CEP68: variants seen among roughly 807,000 people sequenced by gnomAD.
CEP68 encodes the protein centrosomal protein of 68 kDa.
Under a neutral mutation model 55.3 loss-of-function variants are expected in CEP68, and 26 were observed. The observed-to-expected ratio is 0.47, with a 90% CI of 0.34 to 0.65. CEP68 has a LOEUF of 0.65. Among genes scored for constraint, CEP68 ranks in the 30% least tolerant of loss-of-function variants. The pLI is 0.01. For synonymous variants in CEP68, 402 were observed against 383.2 expected (o/e 1.05, Z -0.57); for missense variants, 957 against 946.7 (o/e 1.01, Z -0.14).
At chr2:65,070,224 C>T (rs2723084) in intron 2 of CEP68, among the ~76,000 whole-genome samples, 15,755 of 152,174 alleles carry the variant, frequency 0.1, 916 homozygotes, top group Middle Eastern at 0.14. Flanking sequence ...CCTCTTCAGA[C>T]CCAAGGGACA....
intron 1 of CEP68, among the ~76,000 whole-genome samples, chr2:65,067,728 C>T (rs771054646): frequency 3.3e-5 from 5 of 152,190 alleles, no homozygotes; most frequent in Non-Finnish European, 5.9e-5. Context: ...GAGAGACTTA[C>T]ATCTGCTGTG....
At chr2:65,079,197 C>T (rs1235139158) in intron 5 of CEP68, among the ~76,000 whole-genome samples, 2 of 152,212 alleles carry the variant, frequency 1.3e-5, no homozygotes, top group African/African-American at 4.8e-5. Flanking sequence ...TGAGGAGGCA[C>T]TTTCCTGACC....
intron 1 of CEP68, 33 bp from the exon 2 acceptor site, chr2:65,069,366 T>C: frequency 9.1e-7 from 1 of 1,103,124 alleles, no homozygotes; most frequent in Non-Finnish European, 1.3e-6. Context: ...TGTAGAAGAT[T>C]TATATTTTTC....
intron 1 of CEP68, among the ~76,000 whole-genome samples, chr2:65,065,132 G>A (rs1035623507): frequency 1.3e-5 from 2 of 152,230 alleles, no homozygotes; most frequent in African/African-American, 2.4e-5. Flanking sequence ...CCTGGCTCCC[G>A]TGGGAACTGG....
At chr2:65,077,748 G>A (rs989552384) in intron 4 of CEP68, 120 bp from the exon 5 acceptor site, 24 of 630,350 alleles carry the variant, frequency 3.8e-5, no homozygotes, top group Non-Finnish European at 6.5e-5. Flanking sequence ...CAGACCTGAT[G>A]GGGTGAATCT....
intron 1 of CEP68, among the ~76,000 whole-genome samples, chr2:65,064,921 A>G (rs565036257): frequency 7.9e-5 from 12 of 152,242 alleles, no homozygotes; most frequent in African/African-American, 2.9e-4. Flanking sequence ...GTGGCTCCGT[A>G]AGATCTCTGT....
rs141018988 is a variant in CEP68, at chr2:65,069,549, G to A, written c.105G>A (p.Gly35=). Reference sequence around the variant, plus strand: ...GGGAGCGGGAGCTGGACATCCCAGGGCCCATGAGTGGGGAGCAGCCCCCAC... The same window carrying A: ...GGGAGCGGGAGCTGGACATCCCAGGACCCATGAGTGGGGAGCAGCCCCCAC... ...SCRERELDIP[G]PMSGEQPPRL... is the part of the protein sequence containing the mutation. Residue 35 remains glycine (G), a synonymous_variant, in exon 2 of 7, where the codon GGG becomes GGA. Transcript: ENST00000377990. 4 of 1,609,986 alleles carry A rather than the reference G, an allele frequency of 2.5e-6. No individual in the cohort carries two copies. The African/African-American group carries it at 5.3e-5, about 22-fold the overall frequency.
chr2:65,066,810 T>G (rs1676210026), intron 1 of CEP68, among the ~76,000 whole-genome samples: 1 of 147,012 alleles, frequency 6.8e-6, no homozygotes, highest in Admixed American at 6.8e-5. Flanking sequence ...GGCACATGCC[T>G]GTAATCCCAG....
intron 3 of CEP68, 80 bp downstream of exon 3, chr2:65,073,060 A>G (rs763229234): frequency 6.7e-7 from 1 of 1,492,104 alleles, no homozygotes; most frequent in Non-Finnish European, 9.3e-7. Flanking sequence ...ATAATAAAAC[A>G]TGTTCATGTT....
chr2:65,061,794 C>A (rs576039709), intron 1 of CEP68, among the ~76,000 whole-genome samples: 1 of 152,216 alleles, frequency 6.6e-6, no homozygotes, highest in Non-Finnish European at 1.5e-5. Context: ...TGTGACTGGC[C>A]CCTTTGTTGG....
intron 1 of CEP68, among the ~76,000 whole-genome samples, chr2:65,066,726 C>CAAAAA (rs869096839): frequency 3.7e-4 from 16 of 43,194 alleles, no homozygotes; most frequent in Admixed American, 1.6e-3. Flanking sequence ...GACTCTGTCT[C>CAAAAA]AAAAAAAAAA....
intron 1 of CEP68, among the ~76,000 whole-genome samples, chr2:65,060,707 T>C (rs1675870078): frequency 1.3e-5 from 2 of 152,144 alleles, no homozygotes; most frequent in Non-Finnish European, 2.9e-5. Context: ...CTTTGCTCTT[T>C]AGTGAGAAAA....
Position 65,072,047 on chromosome 2 carries a change from G to A in CEP68, c.951G>A (p.Lys317=). 6.2e-7 allele frequency: 1 copy of A among 1,613,706 alleles called. No homozygotes were observed. The highest frequency in any genetic ancestry group is 8.5e-7 in the Non-Finnish European group (1 of 1,179,966). The part of the protein sequence containing the change: ...YPLRPGPQLP[K]HLDSRVPADP... ...TGAGGCCCGGGCCTCAGCTCCCAAA[G>A]CACCTTGATAGCCGTGTGCCAGCTG... The change falls in exon 3 of 7, where the codon AAG becomes AAA. Residue 317 remains lysine, a synonymous_variant. Transcript: ENST00000377990.
chr2:65,059,008 G>A (rs1190745096), intron 1 of CEP68, among the ~76,000 whole-genome samples: 1 of 152,184 alleles, frequency 6.6e-6, no homozygotes, highest in East Asian at 1.9e-4. Flanking sequence ...AAATGGTCAT[G>A]TAAAATCAGA....
At chr2:65,061,761 T>C (rs1351083381) in intron 1 of CEP68, among the ~76,000 whole-genome samples, 2 of 152,234 alleles carry the variant, frequency 1.3e-5, no homozygotes, top group Admixed American at 1.3e-4. Context: ...CACGCCACCC[T>C]GAAGCAGGCC....
At chr2:65,080,423 G>A in intron 5 of CEP68, 1 of 985,398 alleles carries the variant, frequency 1.0e-6, no homozygotes, top group Non-Finnish European at 1.2e-6. Flanking sequence ...CCAGGAGCAT[G>A]CTGTCAAAAG....
chr2:65,067,965 A>C (rs547369336), intron 1 of CEP68, among the ~76,000 whole-genome samples: 2 of 152,198 alleles, frequency 1.3e-5, no homozygotes, highest in Non-Finnish European at 2.9e-5. Context: ...GTGCCCATCT[A>C]GGTGGTATTT....
At chr2:65,073,413 C>A in intron 3 of CEP68, 1 of 286,772 alleles carries the variant, frequency 3.5e-6, no homozygotes, top group Non-Finnish European at 6.8e-6. Flanking sequence ...CTTCATTTGC[C>A]ACAGTGGTTT....
At chr2:65,078,894 A>G (rs1676885787) in intron 5 of CEP68, among the ~76,000 whole-genome samples, 1 of 152,216 alleles carries the variant, frequency 6.6e-6, no homozygotes, top group Admixed American at 6.5e-5. Context: ...AGTGAAAATC[A>G]CAGACCTCAG....
Sources: gnomAD v4.1 joint callset for allele counts (sites outside exome capture counted in the v4.1 genomes callset) on GRCh38, gnomAD v4.1.1 for gene constraint, MANE v1.5 for transcripts, NCBI Gene and HGNC (gene_info 2026-07-23, HGNC 2026-07-21) for gene names.